Variants in STAB2 observed in about 807,000 individuals in gnomAD.
The protein encoded by STAB2 is stabilin-2.
A neutral mutation model predicts 338.1 loss-of-function variants in STAB2; 288 were observed. That is an observed-to-expected ratio of 0.85 (90% CI 0.77 to 0.94). The LOEUF (loss-of-function observed/expected upper bound fraction) is 0.94, where lower values mean the gene tolerates loss of function less well. STAB2 is among the 40% of genes least tolerant of loss of function. STAB2 has a pLI of 0.00. For missense variants in STAB2, 3,141 were observed against 3,210.1 expected, an observed-to-expected ratio of 0.98 and a Z score of 0.52; for synonymous variants, 1,202 against 1,193.3, an observed-to-expected ratio of 1.01 and a Z score of -0.15.
At chr12:103,675,280 G>A (rs1437605092) in intron 23 of STAB2, among the ~76,000 whole-genome samples, 2 of 152,104 alleles carry the variant, frequency 1.3e-5, no homozygotes, top group African/African-American at 2.4e-5. Context: ...GTGTCATCAC[G>A]GAACATTTTG....
At chr12:103,620,613 G>A in intron 4 of STAB2, 60 bp downstream of exon 4, 3 of 1,352,608 alleles carry the variant, frequency 2.2e-6, no homozygotes, top group Non-Finnish European at 2.0e-6. Context: ...CTTACCTGTT[G>A]ATCCTCCTTA....
chr12:103,695,758 A>G lies in STAB2; in HGVS notation c.3496A>G (p.Ile1166Val). ...YIIQYNLANAIEAADAYTVFA... is the reference protein window; with the variant it reads ...YIIQYNLANAVEAADAYTVFA... ...GCAGCAATATAATCTGGCGAATGCA[A>G]TTGAGGCTGCCGATGCCTACACAGT... Residue 1166 changes from isoleucine to valine, a missense_variant, in exon 33 of 69, where the codon ATT (isoleucine) becomes GTT (valine). Ile to Val is a conservative substitution (Grantham distance 29). Coordinates refer to ENST00000388887, the MANE Select transcript of STAB2 (RefSeq NM_017564.10). The G allele has an allele frequency of 6.2e-7, 1 of 1,614,204 alleles. No individual in the cohort carries two copies. Among genetic ancestry groups the G allele is most frequent in the Non-Finnish European group, 8.5e-7 (1 of 1,180,030 alleles).
intron 44 of STAB2, among the ~76,000 whole-genome samples, chr12:103,720,125 C>T (rs1225156537): frequency 2.0e-5 from 3 of 152,136 alleles, no homozygotes; most frequent in African/African-American, 4.8e-5. Flanking sequence ...GAAGAAGCTA[C>T]GGAAAAGATG....
chr12:103,752,939 G>T (rs1883794372), intron 60 of STAB2, among the ~76,000 whole-genome samples: 2 of 152,160 alleles, frequency 1.3e-5, no homozygotes, highest in African/African-American at 4.8e-5. Context: ...GTTAGCCATG[G>T]AGTAATGATT....
intron 41 of STAB2, among the ~76,000 whole-genome samples, chr12:103,713,184 G>A (rs2139009911): frequency 6.6e-6 from 1 of 152,320 alleles, no homozygotes; most frequent in East Asian, 1.9e-4. Context: ...CCTGTGAAGT[G>A]CTTAGAACAG....
intron 6 of STAB2, among the ~76,000 whole-genome samples, chr12:103,632,071 G>T (rs11111688): frequency 0.06 from 9,141 of 152,152 alleles, 297 homozygotes; most frequent in Non-Finnish European, 0.083. Flanking sequence ...GAGCCTCAAA[G>T]GCGGAACACA....
rs71097988 is a variant in STAB2 at position 103,643,944 on chromosome 12, C to CTGGG, written c.1040+3688_1040+3689insTGGG. On this transcript the variant is annotated intron_variant, in intron 9 of 68. Coordinates refer to ENST00000388887, the MANE Select transcript of STAB2 (RefSeq NM_017564.10). ...CCCTCTGCCCGGCCAGCCGCCCCGT[C>CTGGG]CGGGAGGTGAGGGGCGCCTCTGCCT... is the stretch of plus-strand genomic sequence containing the variant. 8.1e-3 allele frequency among the ~76,000 whole-genome samples: 639 copies of CTGGG among 79,046 alleles called. 3 individuals carry two copies. Among genetic ancestry groups the CTGGG allele is most frequent in the Non-Finnish European group, 0.01 (359 of 35,730 alleles). The allele number at this position is 79,046 out of a possible 152,430, so 51.9% of individuals were successfully genotyped here.
intron 40 of STAB2, 64 bp from the exon 41 acceptor site, chr12:103,712,303 G>A: frequency 1.6e-6 from 2 of 1,258,828 alleles, no homozygotes; most frequent in Non-Finnish European, 2.3e-6. Context: ...AAGGGCATTT[G>A]TGAGTCATGT....
At chr12:103,753,197 G>A (rs753284215) in intron 60 of STAB2, 23 bp from the exon 61 acceptor site, 30 of 1,612,730 alleles carry the variant, frequency 1.9e-5, no homozygotes, top group South Asian at 1.2e-4. Flanking sequence ...TGACCTGGGC[G>A]ATTCCTCCTC....
chr12:103,661,686 C>T (rs1172722743), intron 17 of STAB2, among the ~76,000 whole-genome samples: 1 of 152,186 alleles, frequency 6.6e-6, no homozygotes, highest in Non-Finnish European at 1.5e-5. Flanking sequence ...GAAGAAACAT[C>T]TGAACAAAAC....
rs777209439 is a variant in STAB2, at chr12:103,640,231, A to C, written c.1015A>C (p.Thr339Pro). The C allele has an allele frequency of 1.2e-6, 2 of 1,613,614 alleles. No homozygotes were observed. ...CCCGTGTCATAGGAATGCAAATTGC[A>C]CCACCGTCGCACCAGGCCGAACTGA... is the stretch of plus-strand genomic sequence containing the variant. ...DNPCHRNANC[T>P]TVAPGRTECI... The change falls in exon 9 of 69, where the codon ACC becomes CCC. Residue 339 changes from threonine to proline, a missense_variant. Thr to Pro is a conservative substitution (Grantham distance 38). Coordinates refer to ENST00000388887, the MANE Select transcript of STAB2 (RefSeq NM_017564.10).
chr12:103,647,844 A>AT (rs1232049232), intron 9 of STAB2, among the ~76,000 whole-genome samples: 2 of 151,956 alleles, frequency 1.3e-5, no homozygotes, highest in African/African-American at 2.4e-5. Context: ...AATCTCTGTG[A>AT]TTTTCATTGT....
Position 103,748,964 on chromosome 12 carries a change from T to TGTG in STAB2, c.6248_6250dup (p.Val2083dup), listed in dbSNP as rs1280671567. ...GCCCTCTCTCCTCTGCTCTTGCAGT[T>TGTG]GTGGATTTCTGCAAACAGGACAACG... On this transcript the variant is annotated inframe_insertion and splice_region_variant, in exon 59 of 69. Coordinates refer to ENST00000388887, the MANE Select transcript of STAB2 (RefSeq NM_017564.10). 1 of 1,612,524 alleles carries TGTG rather than the reference T, an allele frequency of 6.2e-7. No individual in the cohort carries two copies. Among genetic ancestry groups the TGTG allele is most frequent in the South Asian group, 1.1e-5 (1 of 90,930 alleles).
At chr12:103,766,048 G>C (rs1884932473) in intron 68 of STAB2, 1 of 664,958 alleles carries the variant, frequency 1.5e-6, no homozygotes, top group Non-Finnish European at 2.8e-6. Context: ...CTGCAGCCGA[G>C]TTGGGATGAT....
At chr12:103,645,335 T>C (rs985893286) in intron 9 of STAB2, among the ~76,000 whole-genome samples, 1 of 152,138 alleles carries the variant, frequency 6.6e-6, no homozygotes, top group African/African-American at 2.4e-5. Context: ...GAAATAAAAA[T>C]TTAAAATAGT....
chr12:103,601,141 A>AGATAAAATGGT (rs1956948039), intron 3 of STAB2, among the ~76,000 whole-genome samples: 1 of 102,158 alleles, frequency 9.8e-6, no homozygotes, highest in African/African-American at 5.9e-5. Flanking sequence ...GTTTCCTCTT[A>AGATAAAATGGT]GATAACAACT....
At chr12:103,719,219 C>A (rs892253950) in intron 44 of STAB2, among the ~76,000 whole-genome samples, 7 of 152,196 alleles carry the variant, frequency 4.6e-5, no homozygotes, top group Admixed American at 1.3e-4. Context: ...CTCTGAAGTC[C>A]TGCATCAATG....
chr12:103,595,567 G>C (rs1480697199), intron 3 of STAB2, among the ~76,000 whole-genome samples: 2 of 151,828 alleles, frequency 1.3e-5, no homozygotes, highest in African/African-American at 4.8e-5. Context: ...TTGTTTATTT[G>C]TGTTTTTAAC....
At chr12:103,629,507 A>C (rs1311373044) in intron 5 of STAB2, among the ~76,000 whole-genome samples, 2 of 152,224 alleles carry the variant, frequency 1.3e-5, no homozygotes, top group African/African-American at 4.8e-5. Context: ...GACACGGAAC[A>C]AAGAAAGTGC....
Sources: allele counts gnomAD v4.1 joint callset (sites outside exome capture counted in the v4.1 genomes callset), GRCh38; gene constraint gnomAD v4.1.1; transcripts MANE v1.5; gene names NCBI Gene and HGNC (gene_info 2026-07-23, HGNC 2026-07-21).